COG5: variants seen among roughly 807,000 people sequenced by gnomAD.
COG5 encodes component of oligomeric golgi complex 5.
In COG5, 86 loss-of-function variants were observed where a neutral mutation model predicts 110.4. The ratio of observed to expected loss-of-function variants is 0.78; its 90% CI spans 0.65 to 0.93. COG5 has a LOEUF of 0.93. Among genes scored for constraint, COG5 ranks in the 40% least tolerant of loss-of-function variants. The pLI is 0.00. For missense variants in COG5, 1,077 were observed against 987.0 expected (o/e 1.09, Z -1.22); for synonymous variants, 360 against 334.6 (o/e 1.08, Z -0.83).
chr7:107,245,431 T>C (rs867363573), intron 17 of COG5, among the ~76,000 whole-genome samples: 28 of 152,164 alleles, frequency 1.8e-4, no homozygotes, highest in African/African-American at 6.0e-4. Context: ...GCTACCTCTG[T>C]TTGCAGATGA....
chr7:107,441,013 G>A (rs1439147407), intron 6 of COG5, among the ~76,000 whole-genome samples: 1 of 152,030 alleles, frequency 6.6e-6, no homozygotes, highest in African/African-American at 2.4e-5. Context: ...CAGCACTTTG[G>A]GAGGCTGAGG....
chr7:107,479,370 A>T (rs1167755875), intron 6 of COG5, among the ~76,000 whole-genome samples: 2 of 152,104 alleles, frequency 1.3e-5, no homozygotes, highest in African/African-American at 4.8e-5. Context: ...ACAAGGTGAA[A>T]AAATGAGCTT....
intron 10 of COG5, among the ~76,000 whole-genome samples, chr7:107,339,620 C>T (rs1377299429): frequency 2.0e-5 from 3 of 152,058 alleles, no homozygotes; most frequent in Non-Finnish European, 2.9e-5. Context: ...ACATGCTATG[C>T]CATAAAGCAA....
intron 14 of COG5, among the ~76,000 whole-genome samples, chr7:107,269,019 C>G (rs1468479010): frequency 6.6e-6 from 1 of 152,028 alleles, no homozygotes; most frequent in African/African-American, 2.4e-5. Context: ...TATAAACTTT[C>G]CCTTATTTGT....
At chr7:107,492,011 C>G (rs1254684514) in intron 6 of COG5, among the ~76,000 whole-genome samples, 1 of 151,920 alleles carries the variant, frequency 6.6e-6, no homozygotes, top group Non-Finnish European at 1.5e-5. Flanking sequence ...AAGCAATATC[C>G]CATTACAGCT....
rs994978817 is a variant in COG5, at chr7:107,293,981, A to G, written c.1313+4161T>C. ...CAGCTGCTCGGGAGGCTGAGGTGGG[A>G]GAATCGCTTGAACCCAGGAGACAAA... On this transcript the variant is annotated intron_variant, in intron 12 of 21. Coordinates refer to ENST00000297135, the MANE Select transcript of COG5 (RefSeq NM_006348.5). Among the ~76,000 whole-genome samples the G allele has an allele frequency of 7.2e-5, 11 of 152,120 alleles. No individual in the cohort carries two copies. The East Asian group carries it at 1.9e-3, about 27-fold the overall frequency.
intron 12 of COG5, among the ~76,000 whole-genome samples, chr7:107,285,032 A>T (rs2116824078): frequency 6.6e-6 from 1 of 152,312 alleles, no homozygotes. Flanking sequence ...CCAACATCAT[A>T]ATTCCATAGT....
intron 15 of COG5, among the ~76,000 whole-genome samples, 173 bp downstream of exon 15, chr7:107,258,100 C>T (rs981184272): frequency 3.9e-5 from 6 of 152,044 alleles, no homozygotes; most frequent in East Asian, 1.9e-4. Flanking sequence ...ATACAAACAA[C>T]GAAGGCCAGA....
chr7:107,533,346 G>A (rs1232403409), intron 5 of COG5, among the ~76,000 whole-genome samples: 3 of 151,658 alleles, frequency 2.0e-5, no homozygotes, highest in Non-Finnish European at 4.4e-5. Context: ...GGAGACTTCA[G>A]AAGGCGGGTA....
intron 6 of COG5, among the ~76,000 whole-genome samples, chr7:107,463,909 C>CT (rs1311196109): frequency 6.6e-6 from 1 of 152,116 alleles, no homozygotes; most frequent in Non-Finnish European, 1.5e-5. Context: ...GAACTCCACC[C>CT]TGCAGTCCTC....
chr7:107,441,717 C>T (rs1357457423), intron 6 of COG5, among the ~76,000 whole-genome samples: 1 of 152,194 alleles, frequency 6.6e-6, no homozygotes, highest in African/African-American at 2.4e-5. Flanking sequence ...TGAATTTTCA[C>T]AGCACATTAC....
intron 10 of COG5, among the ~76,000 whole-genome samples, chr7:107,335,487 A>G (rs1277257884): frequency 6.6e-6 from 1 of 152,256 alleles, no homozygotes; most frequent in Non-Finnish European, 1.5e-5. Flanking sequence ...ATAAAAAGCA[A>G]CAAATTAAAA....
chr7:107,554,165 T>C lies in COG5; in HGVS notation c.292+120A>G, dbSNP rs114322086. On this transcript the variant is annotated intron_variant, in intron 3 of 21. Transcript: ENST00000297135. ...ACTCTACAATGGCAGAGTTTAGTAGTTGCAACAGAGACTGTATGGCTGGCA... is the reference window on the plus strand; with the variant it reads ...ACTCTACAATGGCAGAGTTTAGTAGCTGCAACAGAGACTGTATGGCTGGCA... 1.6e-3 allele frequency: 1,299 copies of C among 793,994 alleles called. 17 individuals carry two copies. The African/African-American group carries it at 0.02, about 12-fold the overall frequency. 49.2% of individuals were successfully genotyped at this position (793,994 alleles called of 1,614,324 possible). A position where few individuals can be genotyped will look rare whatever the true frequency, so the allele number is the denominator to read the frequency against.
intron 6 of COG5, 80 bp from the exon 7 acceptor site, chr7:107,412,712 C>CAAAA: frequency 6.7e-6 from 4 of 597,074 alleles, no homozygotes; most frequent in South Asian, 5.5e-5. Flanking sequence ...TATAACTTCT[C>CAAAA]AAAAAAAAAA....
At chr7:107,367,702 A>G (rs1316425585) in intron 8 of COG5, among the ~76,000 whole-genome samples, 4 of 152,126 alleles carry the variant, frequency 2.6e-5, no homozygotes, top group Non-Finnish European at 2.9e-5. Context: ...CTTGAATACC[A>G]TATGTTCTCA....
At chr7:107,366,453 A>G (rs562094142) in intron 8 of COG5, among the ~76,000 whole-genome samples, 1 of 151,710 alleles carries the variant, frequency 6.6e-6, no homozygotes, top group East Asian at 1.9e-4. Flanking sequence ...ACAGGAAAAC[A>G]TTCAATATAC....
At chr7:107,463,076 A>T (rs1330321364) in intron 6 of COG5, among the ~76,000 whole-genome samples, 1 of 152,244 alleles carries the variant, frequency 6.6e-6, no homozygotes, top group Non-Finnish European at 1.5e-5. Context: ...TCAGCTTTTA[A>T]TTGGGCTGAA....
At chr7:107,213,585 C>T (rs956909189) in intron 19 of COG5, among the ~76,000 whole-genome samples, 10 of 152,198 alleles carry the variant, frequency 6.6e-5, no homozygotes, top group Admixed American at 3.9e-4. Flanking sequence ...CCAGCAGCTC[C>T]GCCTGATTGC....
At chr7:107,292,218 G>T (rs1562953984) in intron 12 of COG5, among the ~76,000 whole-genome samples, 1 of 151,970 alleles carries the variant, frequency 6.6e-6, no homozygotes, top group Non-Finnish European at 1.5e-5. Context: ...TTTATTTTTT[G>T]TAGAGACGGG....
Sources: gnomAD v4.1 joint callset for allele counts (sites outside exome capture counted in the v4.1 genomes callset) on GRCh38, gnomAD v4.1.1 for gene constraint, MANE v1.5 for transcripts, NCBI Gene and HGNC (gene_info 2026-07-23, HGNC 2026-07-21) for gene names.